The following ITPK1 variants were observed in gnomAD, a reference collection of about 807,000 sequenced individuals.
The protein encoded by ITPK1 is inositol-tetrakisphosphate 1-kinase.
A neutral mutation model predicts 45.3 loss-of-function variants in ITPK1; 21 were observed. The ratio of observed to expected loss-of-function variants is 0.46; its 90% CI spans 0.33 to 0.67. ITPK1 has a LOEUF of 0.67. Ranked by LOEUF, ITPK1 falls within the 30% of genes least tolerant of loss-of-function variation. The pLI is 0.02. For missense variants in ITPK1, 474 were observed against 573.5 expected, an observed-to-expected ratio of 0.83 and a Z score of 1.77; for synonymous variants, 258 against 253.6, an observed-to-expected ratio of 1.02 and a Z score of -0.16.
At chr14:93,013,110 G>A (rs559002887) in intron 4 of ITPK1, among the ~76,000 whole-genome samples, 289 of 152,304 alleles carry the variant, frequency 1.9e-3, no homozygotes, top group Middle Eastern at 0.01. Flanking sequence ...ACTTGCCCAC[G>A]TGGGCAGGCC....
rs1441703430 is a variant in ITPK1 at position 93,065,818 on chromosome 14, T to C, written c.120+10777A>G. ...AGACTCTGGAGCAGAGAAATGGTTC[T>C]AGATGCTGGGACATAGGGATGGTGG... is the stretch of plus-strand genomic sequence containing the variant. On this transcript the variant is annotated intron_variant, in intron 3 of 10. Transcript: ENST00000267615. 3.3e-5 allele frequency among the ~76,000 whole-genome samples: 5 copies of C among 152,322 alleles called. No individual in the cohort carries two copies. In the South Asian group the frequency reaches 6.2e-4, roughly 19 times the overall value.
At chr14:92,987,836 G>A (rs777152905) in intron 5 of ITPK1, among the ~76,000 whole-genome samples, 4 of 152,164 alleles carry the variant, frequency 2.6e-5, no homozygotes, top group Admixed American at 1.3e-4. Flanking sequence ...CATGACTCCC[G>A]GACTGGGGGA....
chr14:93,066,342 A>T, intron 3 of ITPK1: 1 of 314,734 alleles, frequency 3.2e-6, no homozygotes, highest in Non-Finnish European at 6.1e-6. Flanking sequence ...GTGTGTGTGT[A>T]GGGGGCAGAG....
intron 5 of ITPK1, among the ~76,000 whole-genome samples, chr14:92,980,582 T>C (rs1886172544): frequency 6.6e-6 from 1 of 152,202 alleles, no homozygotes. Flanking sequence ...CCTGTTGAAA[T>C]GGAATCTTTA....
At chr14:93,067,732 T>C (rs888960381) in intron 3 of ITPK1, 1 of 152,502 alleles carries the variant, frequency 6.6e-6, no homozygotes, top group Admixed American at 6.5e-5. Context: ...GCAGACCTCA[T>C]TTATATAACC....
chr14:92,970,681 G>A (rs1252740902), intron 5 of ITPK1, among the ~76,000 whole-genome samples: 1 of 151,990 alleles, frequency 6.6e-6, no homozygotes, highest in African/African-American at 2.4e-5. Flanking sequence ...TGTCGCCCAG[G>A]CTGGAGTGCA....
chr14:93,087,058 C>T (rs1207796064), intron 2 of ITPK1, among the ~76,000 whole-genome samples: 1 of 152,252 alleles, frequency 6.6e-6, no homozygotes, highest in Non-Finnish European at 1.5e-5. Flanking sequence ...AAACTGTATT[C>T]ACTTCCCATT....
intron 5 of ITPK1, among the ~76,000 whole-genome samples, chr14:92,975,958 C>T (rs1036916839): frequency 6.6e-6 from 1 of 152,128 alleles, no homozygotes; most frequent in Non-Finnish European, 1.5e-5. Flanking sequence ...ATAAGGGGCT[C>T]CCCCCATGCT....
Position 93,016,671 on chromosome 14 carries a change from C to T in ITPK1, c.246+5G>A, listed in dbSNP as rs766313704. 8 of 1,613,916 alleles carry T rather than the reference C, an allele frequency of 5.0e-6. No individual in the cohort carries two copies. The highest frequency in any genetic ancestry group is 2.2e-5 in the South Asian group (2 of 91,078). ...ACAGCCAAGGGCTGCATGGTCCTCA[C>T]TCACCTGGAACCTGTGCACCAGCTC... On this transcript the variant is annotated splice_donor_5th_base_variant and intron_variant, in intron 4 of 10. Coordinates refer to ENST00000267615, the MANE Select transcript of ITPK1 (RefSeq NM_014216.6). The surrounding 1 kb of genome is among the most constrained non-coding windows in gnomAD (Gnocchi z 5.0).
chr14:93,059,532 G>C (rs1440468401), intron 3 of ITPK1, among the ~76,000 whole-genome samples: 1 of 63,336 alleles, frequency 1.6e-5, no homozygotes, highest in East Asian at 5.0e-4. Context: ...GCAGGGGTGG[G>C]GAGGGTGCTG....
chr14:92,961,903 A>G (rs1296326853), intron 7 of ITPK1, among the ~76,000 whole-genome samples: 1 of 152,212 alleles, frequency 6.6e-6, no homozygotes, highest in Non-Finnish European at 1.5e-5. Flanking sequence ...CACACACAAG[A>G]GGCCGTGTGA....
Position 93,034,494 on chromosome 14 carries a change from G to T in ITPK1, c.121-17693C>A, listed in dbSNP as rs1889228626. 6.6e-6 allele frequency among the ~76,000 whole-genome samples: 1 copy of T among 152,156 alleles called. No individual in the cohort carries two copies. The highest frequency in any genetic ancestry group is 2.4e-5 in the African/African-American group (1 of 41,434). The stretch of plus-strand genomic sequence containing the variant: ...TCTGTGCTTTTCCTCTCCAAGAATA[G>T]AATGGGGAGGCGGGCTCCACCACAG... On this transcript the variant is annotated intron_variant, in intron 3 of 10. Transcript: ENST00000267615. This position sits in a 1 kb window ranked among gnomAD's most constrained non-coding sequence, Gnocchi z 4.1.
rs1222133876 is a variant in ITPK1 at position 92,938,330 on chromosome 14, G to A, written c.*3231C>T. 2 of 676,668 alleles carry A rather than the reference G, an allele frequency of 3.0e-6. No homozygotes were observed. The highest frequency in any genetic ancestry group is 5.4e-6 in the Non-Finnish European group (2 of 368,400). The allele number at this position is 676,668 out of a possible 1,614,324, so 41.9% of individuals were successfully genotyped here. On this transcript the variant is annotated 3_prime_UTR_variant, in exon 11 of 11. Coordinates refer to ENST00000267615, the MANE Select transcript of ITPK1 (RefSeq NM_014216.6). The stretch of plus-strand genomic sequence containing the variant: ...ATTAGTGAAGCCATTCAGCAGTTGT[G>A]GCCAGTGGCCAATGTGAGTGCCCAA...
At chr14:93,013,886 G>A (rs925750407) in intron 4 of ITPK1, among the ~76,000 whole-genome samples, 2 of 152,180 alleles carry the variant, frequency 1.3e-5, no homozygotes, top group African/African-American at 4.8e-5. Flanking sequence ...AGAGGGAAGG[G>A]GACGATCAAT....
At chr14:92,950,570 C>T (rs1231319456) in intron 9 of ITPK1, among the ~76,000 whole-genome samples, 4 of 152,236 alleles carry the variant, frequency 2.6e-5, no homozygotes, top group Non-Finnish European at 5.9e-5. Flanking sequence ...GACCCCTTCC[C>T]GTTTTACAGA....
rs951932592 is a variant in ITPK1, at chr14:93,076,982, C to T, written c.96-363G>A. ...CATCCTCACCACCTGCCGTCCCTGC[C>T]GAGCTCAACCCCCATAGGTCCCCAT... On this transcript the variant is annotated intron_variant, in intron 2 of 10. Transcript: ENST00000267615. The surrounding 1 kb of genome is among the most constrained non-coding windows in gnomAD (Gnocchi z 4.3). Among the ~76,000 whole-genome samples, 8 of 152,148 alleles carry T rather than the reference C, an allele frequency of 5.3e-5. No homozygotes were observed. The highest frequency in any genetic ancestry group is 1.9e-4 in the African/African-American group (8 of 41,420).
intron 2 of ITPK1, among the ~76,000 whole-genome samples, chr14:93,113,688 G>C (rs546272069): frequency 9.9e-5 from 15 of 152,242 alleles, no homozygotes; most frequent in African/African-American, 3.4e-4. Flanking sequence ...CAAAGCTCTG[G>C]CTTCGAGCTC....
At chr14:92,963,091 G>A (rs1346310048) in intron 5 of ITPK1, among the ~76,000 whole-genome samples, 4 of 152,156 alleles carry the variant, frequency 2.6e-5, no homozygotes, top group East Asian at 3.8e-4. Context: ...TGTAAAATCC[G>A]AAGAGTACAG....
chr14:92,988,199 C>A (rs917609364), intron 5 of ITPK1, among the ~76,000 whole-genome samples: 3 of 152,236 alleles, frequency 2.0e-5, no homozygotes, highest in Non-Finnish European at 4.4e-5. Flanking sequence ...TCATTCCAGA[C>A]CCTTCGATGG....
Sources: allele counts gnomAD v4.1 joint callset (sites outside exome capture counted in the v4.1 genomes callset), GRCh38; gene constraint gnomAD v4.1.1; non-coding constraint Gnocchi (gnomAD v3.1); transcripts MANE v1.5; gene names NCBI Gene and HGNC (gene_info 2026-07-23, HGNC 2026-07-21).